Variants in FBXL16 observed in about 807,000 individuals in gnomAD.
The protein encoded by FBXL16 is F-box and leucine rich repeat protein 16.
FBXL16 carries 7 observed loss-of-function variants against 36.7 expected under a neutral mutation model. The ratio of observed to expected loss-of-function variants is 0.19; its 90% CI spans 0.11 to 0.36. The LOEUF is 0.36. FBXL16 is among the 10% of genes least tolerant of loss of function. The probability of loss-of-function intolerance (pLI) is 1.00; values close to 1 mark genes in which losing one functional copy is unlikely to be tolerated. For missense variants in FBXL16, 463 were observed against 659.4 expected, an observed-to-expected ratio of 0.70 and a Z score of 3.26; for synonymous variants, 355 against 308.7, an observed-to-expected ratio of 1.15 and a Z score of -1.57.
chr16:704,889 C>T (rs1168550825), intron 1 of FBXL16, among the ~76,000 whole-genome samples: 2 of 152,234 alleles, frequency 1.3e-5, no homozygotes, highest in Non-Finnish European at 2.9e-5. Context: ...GGAACGCTCT[C>T]CACCCACCTA....
At chr16:704,091 T>C (rs1167492042) in intron 1 of FBXL16, among the ~76,000 whole-genome samples, 1 of 152,200 alleles carries the variant, frequency 6.6e-6, no homozygotes, top group Non-Finnish European at 1.5e-5. Context: ...AATCCAGTCA[T>C]GGGAGGCACA....
Position 697,540 on chromosome 16 carries a change from CCAGA to C in FBXL16, c.-14-125_-14-122del. On this transcript the variant is annotated intron_variant, in intron 1 of 5. Transcript: ENST00000397621. The surrounding 1 kb of genome is among the most constrained non-coding windows in gnomAD (Gnocchi z 4.6). ...CGTCCCTATGGTGCTCCCAGAACCA[CCAGA>C]CAGAGAGGATGGGAGTGCCTGCTTC... 1 of 1,258,644 alleles carries C rather than the reference CCAGA, an allele frequency of 7.9e-7. No individual in the cohort carries two copies. Among genetic ancestry groups the C allele is most frequent in the South Asian group, 1.6e-5 (1 of 62,950 alleles). 78.0% of individuals were successfully genotyped at this position (1,258,644 alleles called of 1,614,324 possible).
At position 696,757 on chromosome 16, in the gene FBXL16, C is replaced by T. The variant is rs534051953; in HGVS notation, c.633+16G>A. ...CCCTGCCCCCCAGCCCTGTCCCCCCCGAGCCTGGTGCACACCTCGAGGCCT... is the reference window on the plus strand; with the variant it reads ...CCCTGCCCCCCAGCCCTGTCCCCCCTGAGCCTGGTGCACACCTCGAGGCCT... On this transcript the variant is annotated intron_variant, in intron 2 of 5. Coordinates refer to ENST00000397621, the MANE Select transcript of FBXL16 (RefSeq NM_153350.4). The T allele has an allele frequency of 4.4e-5, 63 of 1,427,450 alleles. No individual in the cohort carries two copies. The highest frequency in any genetic ancestry group is 2.8e-4 in the African/African-American group (19 of 68,264). 88.4% of individuals were successfully genotyped at this position (1,427,450 alleles called of 1,614,324 possible). A position where few individuals can be genotyped will look rare whatever the true frequency, so the allele number is the denominator to read the frequency against.
chr16:704,694 G>C (rs978670146), intron 1 of FBXL16, among the ~76,000 whole-genome samples: 4 of 152,254 alleles, frequency 2.6e-5, no homozygotes, highest in Non-Finnish European at 5.9e-5. Flanking sequence ...TGGGCCCTCG[G>C]ATGCACGGGT....
chr16:695,134 C>T (rs1280798325), intron 3 of FBXL16, 58 bp from the exon 4 acceptor site: 46 of 1,531,990 alleles, frequency 3.0e-5, no homozygotes, highest in East Asian at 4.9e-5. Context: ...GGCCATCCCT[C>T]GTCTTCCTGG....
chr16:695,320 AGCCCCCGCCCCC>A (rs1311077380), intron 3 of FBXL16, 83 bp downstream of exon 3: 1 of 1,071,132 alleles, frequency 9.3e-7, no homozygotes. Context: ...CCCCGCCGGA[AGCCCCCGCCCCC>A]GGCCCCGTGC....
At chr16:701,641 G>A (rs1360773939) in intron 1 of FBXL16, among the ~76,000 whole-genome samples, 1 of 146,930 alleles carries the variant, frequency 6.8e-6, no homozygotes, top group Non-Finnish European at 1.5e-5. Context: ...CCAAGGAGCC[G>A]GTTCCCATGG....
intron 1 of FBXL16, among the ~76,000 whole-genome samples, chr16:698,094 C>G (rs193052487): frequency 6.6e-6 from 1 of 152,060 alleles, no homozygotes; most frequent in South Asian, 2.1e-4. Flanking sequence ...CTCTCTGCCT[C>G]GTAGGTTCAA....
Position 696,753 on chromosome 16 carries a change from C to T in FBXL16, c.633+20G>A, listed in dbSNP as rs891875585. ...CCGCCCCTGCCCCCCAGCCCTGTCCCCCCCGAGCCTGGTGCACACCTCGAG... is the reference window on the plus strand; with the variant it reads ...CCGCCCCTGCCCCCCAGCCCTGTCCTCCCCGAGCCTGGTGCACACCTCGAG... On this transcript the variant is annotated intron_variant, in intron 2 of 5. Transcript: ENST00000397621. 9 of 1,324,644 alleles carry T rather than the reference C, an allele frequency of 6.8e-6. No homozygotes were observed. Among genetic ancestry groups the T allele is most frequent in the Non-Finnish European group, 8.9e-6 (9 of 1,015,384 alleles). 82.1% of individuals were successfully genotyped at this position (1,324,644 alleles called of 1,614,324 possible). A position where few individuals can be genotyped will look rare whatever the true frequency, so the allele number is the denominator to read the frequency against.
chr16:694,915 C>G, intron 4 of FBXL16, 77 bp downstream of exon 4: 1 of 1,418,194 alleles, frequency 7.1e-7, no homozygotes, highest in Non-Finnish European at 9.4e-7. Context: ...CTCCCAGGAT[C>G]TGAGTGGGGC....
chr16:694,988 G>A lies in FBXL16; in HGVS notation c.1227+4C>T, dbSNP rs553264661. ...CCCCAATCCCGGGGCGTGAGAGCCG[G>A]TACCTGGCAGCACCATCGCAGGTAG... On this transcript the variant is annotated splice_donor_region_variant and intron_variant, in intron 4 of 5. Coordinates refer to ENST00000397621, the MANE Select transcript of FBXL16 (RefSeq NM_153350.4). 8.9e-5 allele frequency: 137 copies of A among 1,535,072 alleles called. 3 individuals carry two copies. The South Asian group carries it at 1.2e-3, about 14-fold the overall frequency.
In FBXL16 at chr16:697,392, C is replaced by T. The variant is rs1194024904; in HGVS notation, c.14G>A (p.Gly5Asp). The change falls in exon 2 of 6, where the codon GGC (glycine) becomes GAC (aspartate). Residue 5 changes from glycine to aspartate, a missense_variant. Physicochemically the swap from Gly to Asp is moderately conservative, Grantham distance 94. Around this residue, in one of 3 missense-constraint regions of FBXL16, gnomAD observed 263 missense variants for 341.1 expected, o/e 0.77. Transcript: ENST00000397621. The surrounding 1 kb of genome is among the most constrained non-coding windows in gnomAD (Gnocchi z 4.6). Reference protein sequence around the residue: MSSPGIDGDPKPPCL... With the variant: MSSPDIDGDPKPPCL... ...TGGAGGCTTGGGGTCGCCGTCGATG[C>T]CCGGGCTCGACATCTTCCTGGCACG... 1 of 1,534,836 alleles carries T rather than the reference C, an allele frequency of 6.5e-7. No individual in the cohort carries two copies. Among genetic ancestry groups the T allele is most frequent in the Admixed American group, 2.0e-5 (1 of 50,936 alleles).
At position 697,736 on chromosome 16, in the gene FBXL16, C is replaced by T. The variant is rs1418018198; in HGVS notation, c.-14-317G>A. On this transcript the variant is annotated intron_variant, in intron 1 of 5. Coordinates refer to ENST00000397621, the MANE Select transcript of FBXL16 (RefSeq NM_153350.4). This position sits in a 1 kb window ranked among gnomAD's most constrained non-coding sequence, Gnocchi z 4.6. ...AGAGTTCCGGCCGGGCGCGGTGGCTCATGCCTGTAATCCCAGCACTTTGGG... is the reference window on the plus strand; with the variant it reads ...AGAGTTCCGGCCGGGCGCGGTGGCTTATGCCTGTAATCCCAGCACTTTGGG... Among the ~76,000 whole-genome samples the T allele has an allele frequency of 5.3e-5, 8 of 152,194 alleles. No individual in the cohort carries two copies. In the East Asian group the frequency reaches 1.5e-3, roughly 29 times the overall value.
chr16:703,834 G>C (rs924825012), intron 1 of FBXL16, among the ~76,000 whole-genome samples: 3 of 152,218 alleles, frequency 2.0e-5, no homozygotes, highest in African/African-American at 7.2e-5. Flanking sequence ...CTGGGGAGTG[G>C]GTGCTGGGAT....
At chr16:704,223 G>A (rs141411284) in intron 1 of FBXL16, among the ~76,000 whole-genome samples, 3,505 of 152,306 alleles carry the variant, frequency 0.023, 52 homozygotes, top group South Asian at 0.06. Context: ...GCTGGTTCAA[G>A]GGCCCCGTGC....
chr16:696,264 A>G (rs375404379), intron 2 of FBXL16, among the ~76,000 whole-genome samples: 1 of 123,204 alleles, frequency 8.1e-6, no homozygotes, highest in South Asian at 3.0e-4. Context: ...CATTCATTCA[A>G]TCATTTTGAG....
intron 3 of FBXL16, 157 bp from the exon 4 acceptor site, chr16:695,233 C>A: frequency 8.6e-7 from 1 of 1,156,098 alleles, no homozygotes; most frequent in African/African-American, 1.6e-5. Context: ...GACGGGGGTC[C>A]AGCCAACCCG....
chr16:694,773 C>A (rs1364813399), intron 4 of FBXL16, 76 bp from the exon 5 acceptor site: 22 of 1,481,708 alleles, frequency 1.5e-5, no homozygotes, highest in Non-Finnish European at 1.9e-5. Context: ...CCATGGAGGG[C>A]TAGGCGGGTT....
At position 695,690 on chromosome 16, in the gene FBXL16, C is replaced by G. The variant is rs1246436168; in HGVS notation, c.867G>C (p.Thr289=). 5.0e-6 allele frequency: 8 copies of G among 1,605,494 alleles called. No individual in the cohort carries two copies. Among genetic ancestry groups the G allele is most frequent in the African/African-American group, 1.3e-5 (1 of 74,914 alleles). ...HVTDTALAYF[T]ARQGHSTHTL... is the part of the protein sequence containing the mutation. ...TGTGCGTGCTGTGGCCCTGGCGCGC[C>G]GTGAAGTAGGCCAGCGCCGTGTCCG... Residue 289 remains threonine (T), a synonymous_variant, in exon 3 of 6, where the codon ACG becomes ACC. Coordinates refer to ENST00000397621, the MANE Select transcript of FBXL16 (RefSeq NM_153350.4).
Sources: gnomAD v4.1 joint callset for allele counts (sites outside exome capture counted in the v4.1 genomes callset) on GRCh38, gnomAD v4.1.1 for gene constraint, gnomAD v4.1.1 regional missense constraint, Gnocchi (gnomAD v3.1) non-coding constraint, MANE v1.5 for transcripts, NCBI Gene and HGNC (gene_info 2026-07-23, HGNC 2026-07-21) for gene names.